The following XKR6 variants were observed in gnomAD, a reference collection of about 807,000 sequenced individuals.
XKR6 encodes the protein XK-related protein 6.
A neutral mutation model predicts 56.7 loss-of-function variants in XKR6; 22 were observed. The observed-to-expected ratio is 0.39, with a 90% CI of 0.28 to 0.55. XKR6 has a LOEUF of 0.55. XKR6 is among the 20% of genes least tolerant of loss of function. The pLI is 0.66. For synonymous variants in XKR6, 524 were observed against 387.8 expected, an observed-to-expected ratio of 1.35 and a Z score of -4.13; for missense variants, 852 against 889.0, an observed-to-expected ratio of 0.96 and a Z score of 0.53.
intron 1 of XKR6, among the ~76,000 whole-genome samples, chr8:10,973,448 C>G (rs922775086): frequency 2.0e-5 from 3 of 152,186 alleles, no homozygotes; most frequent in African/African-American, 7.2e-5. Context: ...GCCAGTCTTT[C>G]CCATACATTC....
At chr8:11,120,278 T>C (rs1162739383) in intron 1 of XKR6, among the ~76,000 whole-genome samples, 1 of 152,168 alleles carries the variant, frequency 6.6e-6, no homozygotes, top group Non-Finnish European at 1.5e-5. Flanking sequence ...ATTGTATATT[T>C]AGAAAACCCC....
chr8:10,932,339 A>T (rs1801075083), intron 1 of XKR6, among the ~76,000 whole-genome samples: 1 of 152,210 alleles, frequency 6.6e-6, no homozygotes, highest in African/African-American at 2.4e-5. Context: ...TATGACCCAT[A>T]GTTCCCTTTC....
intron 2 of XKR6, among the ~76,000 whole-genome samples, chr8:10,908,733 A>T (rs1038002263): frequency 1.3e-5 from 2 of 152,210 alleles, no homozygotes; most frequent in African/African-American, 4.8e-5. Context: ...GTGGGAACTT[A>T]ATCACCATTA....
intron 1 of XKR6, among the ~76,000 whole-genome samples, chr8:11,057,520 A>G (rs1333383501): frequency 6.6e-6 from 1 of 152,224 alleles, no homozygotes; most frequent in African/African-American, 2.4e-5. Flanking sequence ...CCTCACGACA[A>G]CACGCTGAGG....
At chr8:11,133,577 C>T (rs1445465087) in intron 1 of XKR6, among the ~76,000 whole-genome samples, 3 of 151,046 alleles carry the variant, frequency 2.0e-5, no homozygotes, top group Non-Finnish European at 4.4e-5. Flanking sequence ...GGAATAAATG[C>T]TAACACAGTA....
rs542331669 is a variant in XKR6 at position 11,120,762 on chromosome 8, T to C, written c.764+79814A>G. On this transcript the variant is annotated intron_variant, in intron 1 of 2. Coordinates refer to ENST00000416569, the MANE Select transcript of XKR6 (RefSeq NM_173683.4). ...TAAGCAAAAAGAACAAAGCTGGAGG[T>C]ATCACACTACCTGACTTCAAACTAT... 4.9e-3 allele frequency among the ~76,000 whole-genome samples: 747 copies of C among 152,054 alleles called. 3 individuals are homozygous for C. Among genetic ancestry groups the C allele is most frequent in the African/African-American group, 0.016 (681 of 41,472 alleles).
chr8:11,142,151 G>T (rs541391505), intron 1 of XKR6, among the ~76,000 whole-genome samples: 1 of 152,100 alleles, frequency 6.6e-6, no homozygotes, highest in African/African-American at 2.4e-5. Flanking sequence ...TCTCTACTGG[G>T]AAGGCACAGA....
At chr8:11,035,936 A>G (rs939628806) in intron 1 of XKR6, among the ~76,000 whole-genome samples, 7 of 145,692 alleles carry the variant, frequency 4.8e-5, no homozygotes, top group African/African-American at 1.8e-4. Context: ...TACCTGTGAA[A>G]GTCTTTTTTT....
intron 1 of XKR6, among the ~76,000 whole-genome samples, chr8:11,044,537 C>G (rs896741360): frequency 1.4e-4 from 22 of 152,166 alleles, no homozygotes; most frequent in African/African-American, 5.1e-4. Context: ...CCAAGGTCAG[C>G]ATGAAGTGTA....
At chr8:11,025,140 G>A (rs961088479) in intron 1 of XKR6, among the ~76,000 whole-genome samples, 3 of 152,194 alleles carry the variant, frequency 2.0e-5, no homozygotes, top group African/African-American at 4.8e-5. Context: ...TTCATCATAT[G>A]TTCAAATGCT....
chr8:11,052,258 T>G (rs571365197), intron 1 of XKR6, among the ~76,000 whole-genome samples: 1 of 152,246 alleles, frequency 6.6e-6, no homozygotes, highest in Admixed American at 6.5e-5. Context: ...TGCTCAAGGA[T>G]AGCAGCTCAG....
intron 1 of XKR6, among the ~76,000 whole-genome samples, chr8:11,052,666 C>T (rs968250624): frequency 2.0e-4 from 31 of 152,170 alleles, no homozygotes; most frequent in South Asian, 6.2e-4. Context: ...CCCCATTGCC[C>T]GCACCTTGAG....
chr8:11,058,793 T>C (rs1419801092), intron 1 of XKR6, among the ~76,000 whole-genome samples: 1 of 152,160 alleles, frequency 6.6e-6, no homozygotes, highest in Non-Finnish European at 1.5e-5. Flanking sequence ...CCACGGCACA[T>C]GTATACCTAT....
intron 1 of XKR6, among the ~76,000 whole-genome samples, chr8:11,076,358 G>C (rs545046697): frequency 6.6e-6 from 1 of 152,110 alleles, no homozygotes; most frequent in Non-Finnish European, 1.5e-5. Context: ...CTTAAAATTG[G>C]TTAGGATTGT....
intron 1 of XKR6, among the ~76,000 whole-genome samples, chr8:10,996,652 G>C (rs942041393): frequency 2.0e-5 from 3 of 152,190 alleles, no homozygotes; most frequent in Non-Finnish European, 4.4e-5. Context: ...TAAGGGATGG[G>C]TGTGTTGGGT....
intron 1 of XKR6, among the ~76,000 whole-genome samples, chr8:11,060,265 G>A (rs1799796245): frequency 6.6e-6 from 1 of 152,170 alleles, no homozygotes. Flanking sequence ...GACAGCTAGT[G>A]TGGGGAGGAG....
At chr8:11,111,037 G>C (rs1440665703) in intron 1 of XKR6, among the ~76,000 whole-genome samples, 2 of 94,342 alleles carry the variant, frequency 2.1e-5, no homozygotes, top group Non-Finnish European at 3.9e-5. Context: ...TTTTTTTTTA[G>C]TAGAGACAGG....
chr8:11,198,967 A>G (rs1804046949), intron 1 of XKR6, among the ~76,000 whole-genome samples: 1 of 151,962 alleles, frequency 6.6e-6, no homozygotes, highest in African/African-American at 2.4e-5. Context: ...CTTTCATTCG[A>G]TATGACTTTG....
At chr8:10,998,253 GAGA>G (rs767737297) in intron 1 of XKR6, among the ~76,000 whole-genome samples, 3 of 151,810 alleles carry the variant, frequency 2.0e-5, no homozygotes, top group East Asian at 1.9e-4. Flanking sequence ...GGAGAAGAAA[GAGA>G]AGGAGTGGCT....
Sources: gnomAD v4.1 joint callset for allele counts (sites outside exome capture counted in the v4.1 genomes callset) on GRCh38, gnomAD v4.1.1 for gene constraint, MANE v1.5 for transcripts, NCBI Gene and HGNC (gene_info 2026-07-23, HGNC 2026-07-21) for gene names.